ABCB9: variants seen among roughly 807,000 people sequenced by gnomAD.
ABCB9 encodes the protein ABC-type oligopeptide transporter ABCB9.
ABCB9 carries 36 observed loss-of-function variants against 62.0 expected under a neutral mutation model. That is an observed-to-expected ratio of 0.58 (90% CI 0.45 to 0.77). The LOEUF is 0.77. Among genes scored for constraint, ABCB9 ranks in the 30% least tolerant of loss-of-function variants. The probability of loss-of-function intolerance (pLI) is 0.00; values close to 1 mark genes in which losing one functional copy is unlikely to be tolerated. For synonymous variants in ABCB9, 435 were observed against 461.4 expected, an observed-to-expected ratio of 0.94 and a Z score of 0.73; for missense variants, 943 against 1,054.7, an observed-to-expected ratio of 0.89 and a Z score of 1.47.
chr12:122,950,573 A>G lies in ABCB9; in HGVS notation c.602-8T>C, dbSNP rs1286509149. 1.2e-6 allele frequency: 2 copies of G among 1,607,746 alleles called. No homozygotes were observed. Among genetic ancestry groups the G allele is most frequent in the African/African-American group, 1.3e-5 (1 of 74,962 alleles). On this transcript the variant is annotated splice_polypyrimidine_tract_variant and splice_region_variant and intron_variant, in intron 2 of 11. Coordinates refer to ENST00000280560, the MANE Select transcript of ABCB9 (RefSeq NM_019625.4). ...AGGGCAGGAAGGTCTCTCCTGGGGG[A>G]GGCAGGGCAGCCTCAGGGACGTCTG...
chr12:122,928,572 G>A (rs555119679), downstream of ABCB9, among the ~76,000 whole-genome samples: 8 of 152,096 alleles, frequency 5.3e-5, no homozygotes, highest in African/African-American at 1.7e-4. Context: ...AATAACCACC[G>A]CAGGGGTCTT....
chr12:122,941,775 G>C (rs1566168643), intron 7 of ABCB9, among the ~76,000 whole-genome samples: 1 of 151,938 alleles, frequency 6.6e-6, no homozygotes, highest in Admixed American at 6.6e-5. Context: ...ACCCAGGCTG[G>C]AGTGCAGTGG....
intron 5 of ABCB9, 109 bp downstream of exon 5, chr12:122,948,515 C>A: frequency 9.6e-7 from 1 of 1,043,656 alleles, no homozygotes; most frequent in Non-Finnish European, 1.3e-6. Flanking sequence ...CAAACACAGC[C>A]TCAAGACCTG....
chr12:122,961,889 A>G (rs2036924346), intron 1 of ABCB9, among the ~76,000 whole-genome samples: 2 of 152,198 alleles, frequency 1.3e-5, no homozygotes, highest in African/African-American at 2.4e-5. Context: ...AATCAACCAT[A>G]TACAGTGTGT....
intron 6 of ABCB9, among the ~76,000 whole-genome samples, chr12:122,945,320 C>T (rs530212272): frequency 6.6e-6 from 1 of 152,300 alleles, no homozygotes; most frequent in Admixed American, 6.5e-5. Flanking sequence ...ATGCCCTGAC[C>T]TGCCCACCTC....
At position 122,930,314 on chromosome 12, in the gene ABCB9, A is replaced by G; in HGVS notation, c.2041-143T>C. ...GGCCAGCTTCCTGGGTTTTTCTTAA[A>G]GGGAGACAGCTCAGGGCCAGACACA... On this transcript the variant is annotated intron_variant, in intron 11 of 11. Coordinates refer to ENST00000280560, the MANE Select transcript of ABCB9 (RefSeq NM_019625.4). The surrounding 1 kb of genome is among the most constrained non-coding windows in gnomAD (Gnocchi z 4.9). 2.4e-6 allele frequency: 2 copies of G among 846,916 alleles called. No individual in the cohort carries two copies. Among genetic ancestry groups the G allele is most frequent in the Non-Finnish European group, 3.5e-6 (2 of 563,396 alleles). 52.5% of individuals were successfully genotyped at this position (846,916 alleles called of 1,614,324 possible).
chr12:122,921,836 A>T (rs959367245), intron 11 of ABCB9, among the ~76,000 whole-genome samples: 1 of 152,212 alleles, frequency 6.6e-6, no homozygotes, highest in African/African-American at 2.4e-5. Flanking sequence ...TGCCAAAAAA[A>T]AAATTTAAAA....
chr12:122,959,147 T>G lies in ABCB9; in HGVS notation c.601+488A>C, dbSNP rs2036761648. ...CCAGTGGATCACCTGAGGTCAGGAG[T>G]TCAAGACCAGCCTGGCCAACATGGC... On this transcript the variant is annotated intron_variant, in intron 2 of 11. Transcript: ENST00000280560. This position sits in a 1 kb window ranked among gnomAD's most constrained non-coding sequence, Gnocchi z 5.4. 6.7e-6 allele frequency among the ~76,000 whole-genome samples: 1 copy of G among 149,042 alleles called. No individual in the cohort carries two copies. The highest frequency in any genetic ancestry group is 6.6e-5 in the Admixed American group (1 of 15,038).
chr12:122,931,971 T>C (rs2035192928), intron 11 of ABCB9: 2 of 745,104 alleles, frequency 2.7e-6, no homozygotes, highest in Non-Finnish European at 4.3e-6. Context: ...ATGCCTTCTC[T>C]TGCCCCACAC....
chr12:122,938,527 T>C (rs1480524073), intron 9 of ABCB9, among the ~76,000 whole-genome samples: 1 of 121,544 alleles, frequency 8.2e-6, no homozygotes, highest in Non-Finnish European at 1.8e-5. Context: ...GGGAGACCCT[T>C]TCTCAAAAAA....
At chr12:122,920,824 G>C, downstream of ABCB9, 1 of 512,752 alleles carries the variant, frequency 2.0e-6, no homozygotes, top group Non-Finnish European at 3.5e-6. Flanking sequence ...GAGGTGGGAG[G>C]CTCACTGGAG....
rs149460209 is a variant in ABCB9, at chr12:122,955,787, C to A, written c.601+3848G>T. On this transcript the variant is annotated intron_variant, in intron 2 of 11. Coordinates refer to ENST00000280560, the MANE Select transcript of ABCB9 (RefSeq NM_019625.4). ...AGTGCTGTGGCACAATCCCAGCTAA[C>A]TGCAGCCTCCACCTCCTGGGTTCAA... 1.5e-3 allele frequency among the ~76,000 whole-genome samples: 229 copies of A among 151,368 alleles called. 1 individual carries two copies. The East Asian group carries it at 0.036, about 24-fold the overall frequency.
chr12:122,959,122 C>A lies in ABCB9; in HGVS notation c.601+513G>T, dbSNP rs994525280. On this transcript the variant is annotated intron_variant, in intron 2 of 11. Transcript: ENST00000280560. This position sits in a 1 kb window ranked among gnomAD's most constrained non-coding sequence, Gnocchi z 5.4. ...ATCCCAGCACTTTGGGAGGCCGAGG[C>A]CAGTGGATCACCTGAGGTCAGGAGT... Among the ~76,000 whole-genome samples the A allele has an allele frequency of 9.3e-5, 14 of 151,134 alleles. No homozygotes were observed. The highest frequency in any genetic ancestry group is 2.9e-4 in the African/African-American group (12 of 41,474).
chr12:122,924,145 G>A (rs1383218774), downstream of ABCB9, among the ~76,000 whole-genome samples: 2 of 152,180 alleles, frequency 1.3e-5, no homozygotes, highest in Non-Finnish European at 2.9e-5. Context: ...CTTTAGCCCT[G>A]GCAAGTTGGA....
At chr12:122,951,270 CAGGGTTTCACT>C (rs2036355408) in intron 2 of ABCB9, among the ~76,000 whole-genome samples, 1 of 139,080 alleles carries the variant, frequency 7.2e-6, no homozygotes, top group Non-Finnish European at 1.6e-5. Context: ...CTTTTTGAGA[CAGGGTTTCACT>C]CCTGTCGCCC....
chr12:122,961,949 C>G (rs1594073701), intron 1 of ABCB9, among the ~76,000 whole-genome samples: 2 of 152,220 alleles, frequency 1.3e-5, no homozygotes, highest in African/African-American at 4.8e-5. Context: ...GGCCTTCTAT[C>G]TCTGCAACCC....
chr12:122,920,777 G>A (rs2034728137), downstream of ABCB9, among the ~76,000 whole-genome samples: 1 of 151,992 alleles, frequency 6.6e-6, no homozygotes, highest in Non-Finnish European at 1.5e-5. Context: ...GCCAGGCATG[G>A]TGGCACATGC....
At chr12:122,935,234 C>G in intron 10 of ABCB9, 38 bp downstream of exon 10, 3 of 1,566,338 alleles carry the variant, frequency 1.9e-6, no homozygotes, top group Non-Finnish European at 2.6e-6. Context: ...GAGGGTGACC[C>G]TGTGGGCCCA....
intron 9 of ABCB9, among the ~76,000 whole-genome samples, chr12:122,935,636 A>G (rs2035422868): frequency 6.6e-6 from 1 of 152,196 alleles, no homozygotes; most frequent in Admixed American, 6.5e-5. Flanking sequence ...TCCCCTAATC[A>G]GCAAACTGGG....
Sources: gnomAD v4.1 joint callset for allele counts (sites outside exome capture counted in the v4.1 genomes callset) on GRCh38, gnomAD v4.1.1 for gene constraint, Gnocchi (gnomAD v3.1) non-coding constraint, MANE v1.5 for transcripts, NCBI Gene and HGNC (gene_info 2026-07-23, HGNC 2026-07-21) for gene names.